Variants in BACE1 observed in about 807,000 individuals in gnomAD.
BACE1 encodes the protein beta-secretase 1.
BACE1 carries 21 observed loss-of-function variants against 54.0 expected under a neutral mutation model. That is an observed-to-expected ratio of 0.39 (90% CI 0.28 to 0.56). The LOEUF is 0.56. Ranked by LOEUF, BACE1 falls within the 20% of genes least tolerant of loss-of-function variation. BACE1 has a pLI of 0.63. For synonymous variants in BACE1, 232 were observed against 260.9 expected (o/e 0.89, Z 1.07); for missense variants, 511 against 661.2 (o/e 0.77, Z 2.49).
intron 1 of BACE1, among the ~76,000 whole-genome samples, chr11:117,310,252 G>C (rs2034917538): frequency 6.6e-6 from 1 of 152,122 alleles, no homozygotes; most frequent in African/African-American, 2.4e-5. Context: ...AAGAGCTACA[G>C]TTCTGCATTT....
intron 1 of BACE1, among the ~76,000 whole-genome samples, chr11:117,307,414 C>G (rs571856521): frequency 6.6e-6 from 1 of 152,180 alleles, no homozygotes; most frequent in African/African-American, 2.4e-5. Context: ...TGGGTTCAAG[C>G]GATTCTCCTG....
At position 117,298,459 on chromosome 11, in the gene BACE1, C is replaced by G. The variant is rs557740594; in HGVS notation, c.262-1498G>C. Among the ~76,000 whole-genome samples the G allele has an allele frequency of 7.2e-5, 11 of 152,334 alleles. No homozygotes were observed. In the South Asian group the frequency reaches 2.3e-3, roughly 32 times the overall value. On this transcript the variant is annotated intron_variant, in intron 1 of 8. Transcript: ENST00000313005. ...CTGCTCACTGTGTACCTGACTGATT[C>G]TGTCTTCAGGGCCCCCTGCTCCTTT...
intron 8 of BACE1, 92 bp downstream of exon 8, chr11:117,290,396 C>G: frequency 6.7e-7 from 1 of 1,494,288 alleles, no homozygotes; most frequent in Non-Finnish European, 9.0e-7. Flanking sequence ...CTACCCTCCC[C>G]TAAACTGACA....
rs775880264 is a variant in BACE1, at chr11:117,293,130, C to T, written c.764G>A (p.Arg255Gln). Residue 255 changes from arginine to glutamine, a missense_variant, in exon 5 of 9, where the codon CGG becomes CAG. Arg to Gln is a conservative substitution (Grantham distance 43). Around this residue, in one of 2 missense-constraint regions of BACE1, gnomAD observed 407 missense variants for 565.7 expected, o/e 0.72. Coordinates refer to ENST00000313005, the MANE Select transcript of BACE1 (RefSeq NM_012104.6). This position sits in a 1 kb window ranked among gnomAD's most constrained non-coding sequence, Gnocchi z 4.1. ...GATCACCTCATAATACCACTCCCGC[C>T]GGATGGGTGTATACCAGAGACTGCC... ...YTGSLWYTPI[R>Q]REWYYEVIIV... 1.5e-5 allele frequency: 24 copies of T among 1,614,026 alleles called. No homozygotes were observed. The highest frequency in any genetic ancestry group is 1.8e-5 in the Non-Finnish European group (21 of 1,180,006).
At chr11:117,301,819 T>TA (rs528276282) in intron 1 of BACE1, among the ~76,000 whole-genome samples, 101 of 152,282 alleles carry the variant, frequency 6.6e-4, no homozygotes, top group African/African-American at 2.3e-3. Context: ...TTAAGCTCCT[T>TA]ACAAGTCTCT....
chr11:117,297,026 A>G lies in BACE1; in HGVS notation c.262-65T>C, dbSNP rs146663585. ...AGGCTTCGGTCACACCACCTTTATT[A>G]TCCCTCACGCCCCAGCCACAGTCTG... On this transcript the variant is annotated intron_variant, in intron 1 of 8. Coordinates refer to ENST00000313005, the MANE Select transcript of BACE1 (RefSeq NM_012104.6). 249 of 1,191,564 alleles carry G rather than the reference A, an allele frequency of 2.1e-4. 1 individual carries two copies. The East Asian group carries it at 5.8e-3, about 28-fold the overall frequency. 73.8% of individuals were successfully genotyped at this position (1,191,564 alleles called of 1,614,324 possible). A position where few individuals can be genotyped will look rare whatever the true frequency, so the allele number is the denominator to read the frequency against.
chr11:117,296,123 G>A (rs2034592601), intron 2 of BACE1, among the ~76,000 whole-genome samples: 1 of 152,122 alleles, frequency 6.6e-6, no homozygotes, highest in Admixed American at 6.5e-5. Flanking sequence ...ACTCACGTTT[G>A]CACACACTGA....
intron 2 of BACE1, 44 bp from the exon 3 acceptor site, chr11:117,295,391 G>A (rs1310475143): frequency 1.9e-6 from 3 of 1,599,698 alleles, no homozygotes; most frequent in East Asian, 2.2e-5. Flanking sequence ...AACCACAACT[G>A]GTATAAGGAT....
intron 1 of BACE1, among the ~76,000 whole-genome samples, chr11:117,311,489 C>G (rs1176453430): frequency 6.6e-6 from 1 of 152,134 alleles, no homozygotes; most frequent in Non-Finnish European, 1.5e-5. Context: ...GTCACCAAAT[C>G]CTTCCCACCT....
At chr11:117,295,434 T>C (rs1565359839) in intron 2 of BACE1, 87 bp from the exon 3 acceptor site, 2 of 1,550,684 alleles carry the variant, frequency 1.3e-6, no homozygotes, top group East Asian at 2.4e-5. Context: ...CACCACCTTA[T>C]CTCATCTCAG....
rs541604772 is a variant in BACE1 at position 117,290,336 on chromosome 11, T to C, written c.1264+152A>G. On this transcript the variant is annotated intron_variant, in intron 8 of 8. Transcript: ENST00000313005. ...AGGCAGTACAAAAAAAGGACGAGCATTGACACTAGCTTTTGCACAACTGTT... is the reference window on the plus strand; with the variant it reads ...AGGCAGTACAAAAAAAGGACGAGCACTGACACTAGCTTTTGCACAACTGTT... 9.2e-6 allele frequency: 9 copies of C among 973,556 alleles called. No individual in the cohort carries two copies. In the African/African-American group the frequency reaches 9.9e-5, roughly 11 times the overall value. 60.3% of individuals were successfully genotyped at this position (973,556 alleles called of 1,614,324 possible).
chr11:117,316,034 G>A lies in BACE1; in HGVS notation c.-239C>T, dbSNP rs933557818. The A allele has an allele frequency of 1.4e-4, 58 of 408,348 alleles. No homozygotes were observed. Among genetic ancestry groups the A allele is most frequent in the African/African-American group, 1.2e-3 (56 of 48,624 alleles). 25.3% of individuals were successfully genotyped at this position (408,348 alleles called of 1,614,324 possible). On this transcript the variant is annotated 5_prime_UTR_variant, in exon 1 of 9. Transcript: ENST00000313005. ...GCTGGGATCCGGAGCCCGCTACATCGGCACGGCGGCGGCCAGCCTGGGCAG... is the reference window on the plus strand; with the variant it reads ...GCTGGGATCCGGAGCCCGCTACATCAGCACGGCGGCGGCCAGCCTGGGCAG...
In BACE1 at chr11:117,290,543, G is replaced by A. The variant is rs778426625; in HGVS notation, c.1209C>T (p.Tyr403=). The A allele has an allele frequency of 2.0e-5, 32 of 1,614,218 alleles. No individual in the cohort carries two copies. The African/African-American group carries it at 2.0e-4, about 10-fold the overall frequency. ...VMGAVIMEGF[Y]VVFDRARKRI... is the part of the protein sequence containing the mutation. ...GTTTTCGGGCCCGATCAAAGACAACGTAGAAGCCCTCCATGATAACAGCTC... is the reference window on the plus strand; with the variant it reads ...GTTTTCGGGCCCGATCAAAGACAACATAGAAGCCCTCCATGATAACAGCTC... Residue 403 remains tyrosine (Y), a synonymous_variant, in exon 8 of 9, where the codon TAC becomes TAT. Coordinates refer to ENST00000313005, the MANE Select transcript of BACE1 (RefSeq NM_012104.6).
intron 2 of BACE1, chr11:117,295,640 T>G: frequency 7.1e-7 from 1 of 1,415,390 alleles, no homozygotes; most frequent in South Asian, 1.4e-5. Flanking sequence ...GCATTGTGCC[T>G]GCTGCTGCTG....
chr11:117,293,869 A>G lies in BACE1; in HGVS notation c.705+2T>C. 6.2e-7 allele frequency: 1 copy of G among 1,612,074 alleles called. No individual in the cohort carries two copies. The highest frequency in any genetic ancestry group is 8.5e-7 in the Non-Finnish European group (1 of 1,179,360). On this transcript the variant is annotated splice_donor_variant, in intron 4 of 8. Transcript: ENST00000313005. LOFTEE classifies it high-confidence loss of function. This position sits in a 1 kb window ranked among gnomAD's most constrained non-coding sequence, Gnocchi z 4.1. ...ACCTCCCCTCTCTGAGGACCTACTC[A>G]CCATGCTCCCTCCGACAGAGGCCAG...
chr11:117,315,205 C>T lies in BACE1; in HGVS notation c.261+330G>A, dbSNP rs1274007611. Among the ~76,000 whole-genome samples, 1 of 152,178 alleles carries T rather than the reference C, an allele frequency of 6.6e-6. No homozygotes were observed. Among genetic ancestry groups the T allele is most frequent in the Non-Finnish European group, 1.5e-5 (1 of 68,024 alleles). ...CGGACTGGGCCACTGTCAGAGGGGG[C>T]TGACACCTGTTATAGTGCCCCTGTG... On this transcript the variant is annotated intron_variant, in intron 1 of 8. Coordinates refer to ENST00000313005, the MANE Select transcript of BACE1 (RefSeq NM_012104.6). The surrounding 1 kb of genome is among the most constrained non-coding windows in gnomAD (Gnocchi z 5.5).
At chr11:117,299,349 T>C (rs2034671315) in intron 1 of BACE1, among the ~76,000 whole-genome samples, 1 of 152,162 alleles carries the variant, frequency 6.6e-6, no homozygotes, top group African/African-American at 2.4e-5. Context: ...TGAAATCAAC[T>C]GACCTCAGTT....
At chr11:117,298,366 C>T (rs2034650131) in intron 1 of BACE1, among the ~76,000 whole-genome samples, 1 of 152,104 alleles carries the variant, frequency 6.6e-6, no homozygotes, top group Non-Finnish European at 1.5e-5. Flanking sequence ...ACATTTTGTG[C>T]GTCATCTCAG....
intron 8 of BACE1, among the ~76,000 whole-genome samples, chr11:117,290,042 C>T (rs905794422): frequency 2.0e-5 from 3 of 152,140 alleles, no homozygotes; most frequent in Non-Finnish European, 4.4e-5. Flanking sequence ...GGAGTGATAA[C>T]TAAAAGTCAG....
Sources: allele counts gnomAD v4.1 joint callset (sites outside exome capture counted in the v4.1 genomes callset), GRCh38; gene constraint gnomAD v4.1.1; regional missense constraint gnomAD v4.1.1; non-coding constraint Gnocchi (gnomAD v3.1); transcripts MANE v1.5; gene names NCBI Gene and HGNC (gene_info 2026-07-23, HGNC 2026-07-21).